BTG4: variants seen among roughly 807,000 people sequenced by gnomAD.
BTG4 encodes protein BTG4.
A neutral mutation model predicts 19.3 loss-of-function variants in BTG4; 10 were observed. The observed-to-expected ratio is 0.52, with a 90% CI of 0.32 to 0.88. The LOEUF is 0.88. Ranked by LOEUF, BTG4 falls within the 40% of genes least tolerant of loss-of-function variation. The probability of loss-of-function intolerance (pLI) is 0.04; values close to 1 mark genes in which losing one functional copy is unlikely to be tolerated. For missense variants in BTG4, 238 were observed against 281.9 expected (o/e 0.84, Z 1.11); for synonymous variants, 91 against 95.7 (o/e 0.95, Z 0.29).
At chr11:111,472,380 TG>T (rs1864121977) in intron 5 of BTG4, among the ~76,000 whole-genome samples, 1 of 152,198 alleles carries the variant, frequency 6.6e-6, no homozygotes, top group Non-Finnish European at 1.5e-5. Flanking sequence ...GAGGAATTTT[TG>T]TCCCCCAGGG....
At chr11:111,411,187 G>T in the BTG4 span, among the ~76,000 whole-genome samples, 1 of 152,118 alleles carries the variant, frequency 6.6e-6, no homozygotes, top group Non-Finnish European at 1.5e-5. Context: ...GGAGTCTCAA[G>T]TTCTCATTCT....
chr11:111,468,881 G>A (rs1240962103), intron 5 of BTG4, among the ~76,000 whole-genome samples: 2 of 152,162 alleles, frequency 1.3e-5, no homozygotes, highest in African/African-American at 4.8e-5. Flanking sequence ...ACAAAAGTTT[G>A]AAAACCACTG....
chr11:111,511,599 A>C (rs1866921147), intron 1 of BTG4, among the ~76,000 whole-genome samples: 1 of 152,216 alleles, frequency 6.6e-6, no homozygotes, highest in Non-Finnish European at 1.5e-5. Flanking sequence ...TGAATTTCAC[A>C]AGGTGAGGAT....
the BTG4 span, among the ~76,000 whole-genome samples, chr11:111,433,705 A>G: frequency 2.1e-4 from 2 of 9,662 alleles, no homozygotes; most frequent in Admixed American, 3.7e-3. Flanking sequence ...AAACAAATTT[A>G]CAAGAAAAAA....
the BTG4 span, among the ~76,000 whole-genome samples, chr11:111,425,331 A>G: frequency 6.6e-6 from 1 of 152,080 alleles, no homozygotes; most frequent in Non-Finnish European, 1.5e-5. Flanking sequence ...CTGATCATGG[A>G]GATAAACACA....
the BTG4 span, among the ~76,000 whole-genome samples, chr11:111,445,518 TC>T: frequency 1.3e-5 from 2 of 152,190 alleles, no homozygotes; most frequent in African/African-American, 4.8e-5. Flanking sequence ...TCCTCTGTAT[TC>T]CCACAGGACT....
At chr11:111,422,060 T>A in the BTG4 span, among the ~76,000 whole-genome samples, 1 of 152,182 alleles carries the variant, frequency 6.6e-6, no homozygotes, top group Non-Finnish European at 1.5e-5. Flanking sequence ...AACAGTCCCT[T>A]CTCTATGCAC....
At chr11:111,509,467 G>A (rs913965890) in intron 1 of BTG4, among the ~76,000 whole-genome samples, 1 of 151,980 alleles carries the variant, frequency 6.6e-6, no homozygotes, top group African/African-American at 2.4e-5. Flanking sequence ...AGGGGGGTGC[G>A]GTGGATCGCC....
the BTG4 span, among the ~76,000 whole-genome samples, chr11:111,402,337 G>A: frequency 1.3e-5 from 2 of 152,086 alleles, no homozygotes; most frequent in Non-Finnish European, 2.9e-5. Flanking sequence ...TATTAGCAGT[G>A]TGATTAATAC....
chr11:111,447,202 C>G, the BTG4 span, among the ~76,000 whole-genome samples: 624 of 152,354 alleles, frequency 4.1e-3, 6 homozygotes, highest in African/African-American at 0.014. Context: ...AATGCTTTAT[C>G]CGATACATCA....
chr11:111,414,026 A>T, the BTG4 span, among the ~76,000 whole-genome samples: 1 of 152,158 alleles, frequency 6.6e-6, no homozygotes, highest in Non-Finnish European at 1.5e-5. Flanking sequence ...CCGTTCATTC[A>T]GCGAAATGTC....
At chr11:111,416,045 AAAAAG>A in the BTG4 span, 2 of 152,410 alleles carry the variant, frequency 1.3e-5, no homozygotes, top group Non-Finnish European at 2.9e-5. Context: ...CCTTGTCTGA[AAAAAG>A]AAAAGAAAAG....
At chr11:111,394,707 C>A in the BTG4 span, among the ~76,000 whole-genome samples, 7 of 152,298 alleles carry the variant, frequency 4.6e-5, no homozygotes, top group African/African-American at 1.7e-4. Context: ...ATGGGCCCAC[C>A]TTGGCCTCCT....
At chr11:111,513,817 CTA>C (rs1390325295), upstream of BTG4, among the ~76,000 whole-genome samples, 1 of 151,864 alleles carries the variant, frequency 6.6e-6, no homozygotes, top group Non-Finnish European at 1.5e-5. Flanking sequence ...CTTCTTGAGA[CTA>C]TATTGTTAGT....
the BTG4 span, among the ~76,000 whole-genome samples, chr11:111,446,337 C>T: frequency 6.6e-6 from 1 of 152,198 alleles, no homozygotes; most frequent in Non-Finnish European, 1.5e-5. Flanking sequence ...ATGTCAATCT[C>T]ACAAGGTAGT....
the BTG4 span, among the ~76,000 whole-genome samples, chr11:111,460,745 G>A: frequency 1.3e-5 from 2 of 152,260 alleles, no homozygotes; most frequent in South Asian, 4.1e-4. Flanking sequence ...TCAGACATGG[G>A]ATATAATCAA....
At chr11:111,484,429 T>C (rs1402003824) in intron 5 of BTG4, among the ~76,000 whole-genome samples, 1 of 152,148 alleles carries the variant, frequency 6.6e-6, no homozygotes, top group African/African-American at 2.4e-5. Flanking sequence ...TACAACTACA[T>C]TTTAATAGAT....
At chr11:111,458,416 T>A in the BTG4 span, among the ~76,000 whole-genome samples, 1 of 152,206 alleles carries the variant, frequency 6.6e-6, no homozygotes. Context: ...AGTGCTTGAC[T>A]GCCTCCCTGT....
chr11:111,483,854 A>G (rs1864888321), intron 5 of BTG4, among the ~76,000 whole-genome samples: 1 of 152,172 alleles, frequency 6.6e-6, no homozygotes, highest in Admixed American at 6.5e-5. Context: ...GCCTGGAGAC[A>G]TGAATATCCA....
Sources: gnomAD v4.1 joint callset for allele counts (sites outside exome capture counted in the v4.1 genomes callset) on GRCh38, gnomAD v4.1.1 for gene constraint, MANE v1.5 for transcripts, NCBI Gene and HGNC (gene_info 2026-07-23, HGNC 2026-07-21) for gene names.